Variants in ZFP2 observed in about 807,000 individuals in gnomAD.
ZFP2 encodes the protein ZFP2 zinc finger protein.
ZFP2 carries 33 observed loss-of-function variants against 36.1 expected under a neutral mutation model. That is an observed-to-expected ratio of 0.92 (90% CI 0.69 to 1.22). The LOEUF (loss-of-function observed/expected upper bound fraction) is 1.22, where lower values mean the gene tolerates loss of function less well. Among genes scored for constraint, ZFP2 ranks in the 50% most tolerant of loss-of-function variants. The probability of loss-of-function intolerance (pLI) is 0.00; values close to 1 mark genes in which losing one functional copy is unlikely to be tolerated. For synonymous variants in ZFP2, 170 were observed against 178.0 expected, an observed-to-expected ratio of 0.96 and a Z score of 0.36; for missense variants, 522 against 551.4, an observed-to-expected ratio of 0.95 and a Z score of 0.53.
At chr5:178,916,851 C>G in intron 4 of ZFP2, 141 bp downstream of exon 4, 1 of 570,512 alleles carries the variant, frequency 1.8e-6, no homozygotes, top group African/African-American at 2.0e-5. Flanking sequence ...TTCCCTTGCC[C>G]TGCTGTGTTG....
intron 4 of ZFP2, among the ~76,000 whole-genome samples, chr5:178,925,531 C>T (rs1262268344): frequency 6.7e-6 from 1 of 149,600 alleles, no homozygotes; most frequent in African/African-American, 2.4e-5. Flanking sequence ...GAAGTTCCCA[C>T]TATTGCATCT....
At chr5:178,897,035 C>CTT (rs1757959468) in intron 1 of ZFP2, among the ~76,000 whole-genome samples, 6 of 101,276 alleles carry the variant, frequency 5.9e-5, no homozygotes, top group Middle Eastern at 4.7e-3. Flanking sequence ...TTAGGGTTTT[C>CTT]TTTTTTCTTT....
intron 1 of ZFP2, among the ~76,000 whole-genome samples, chr5:178,901,909 G>A (rs1561677460): frequency 6.6e-6 from 1 of 152,106 alleles, no homozygotes. Flanking sequence ...CACGGCAGGT[G>A]GATCACTTGA....
intron 4 of ZFP2, among the ~76,000 whole-genome samples, chr5:178,917,754 A>C (rs1354913593): frequency 6.6e-6 from 1 of 152,264 alleles, no homozygotes; most frequent in Admixed American, 6.5e-5. Flanking sequence ...ATCTGCCTGC[A>C]TGCTCACATG....
intron 4 of ZFP2, among the ~76,000 whole-genome samples, chr5:178,929,942 T>TGGGTG (rs1554107546): frequency 4.9e-4 from 65 of 131,982 alleles, no homozygotes; most frequent in Admixed American, 1.3e-3. Flanking sequence ...TGCTTGACGG[T>TGGGTG]GGGGGGGGGG....
intron 3 of ZFP2, among the ~76,000 whole-genome samples, chr5:178,916,091 G>A (rs556210191): frequency 2.6e-5 from 4 of 152,196 alleles, no homozygotes. Context: ...CATAGTGAGG[G>A]GGCCAAGGAT....
intron 3 of ZFP2, among the ~76,000 whole-genome samples, chr5:178,914,644 AAAGG>A (rs758621795): frequency 6.6e-6 from 1 of 152,132 alleles, no homozygotes; most frequent in Non-Finnish European, 1.5e-5. Flanking sequence ...GGGAGACAAT[AAAGG>A]AAGAAGGGAG....
At chr5:178,912,126 C>G (rs142688404) in intron 1 of ZFP2, among the ~76,000 whole-genome samples, 3 of 152,152 alleles carry the variant, frequency 2.0e-5, no homozygotes, top group African/African-American at 7.2e-5. Context: ...GAGCAAGACT[C>G]GGTCTCAAAA....
intron 1 of ZFP2, among the ~76,000 whole-genome samples, chr5:178,909,103 C>T (rs1372658005): frequency 6.7e-5 from 9 of 133,726 alleles, no homozygotes; most frequent in Non-Finnish European, 9.7e-5. Flanking sequence ...GGGCTCAGGG[C>T]GTAAAACCCC....
chr5:178,906,193 AG>A (rs1410302933), intron 1 of ZFP2, among the ~76,000 whole-genome samples: 1 of 152,214 alleles, frequency 6.6e-6, no homozygotes, highest in Admixed American at 6.5e-5. Flanking sequence ...TAAGGTGGTG[AG>A]GGTTTAGGGA....
chr5:178,932,902 C>T lies in ZFP2; in HGVS notation c.*203C>T. 2 of 663,814 alleles carry T rather than the reference C, an allele frequency of 3.0e-6. No individual in the cohort carries two copies. The highest frequency in any genetic ancestry group is 4.8e-6 in the Non-Finnish European group (2 of 417,322). The allele number at this position is 663,814 out of a possible 1,614,324, so 41.1% of individuals were successfully genotyped here. A position where few individuals can be genotyped will look rare whatever the true frequency, so the allele number is the denominator to read the frequency against. On this transcript the variant is annotated 3_prime_UTR_variant, in exon 5 of 5. Transcript: ENST00000361362. Reference sequence around the variant, plus strand: ...TCAGAATGTATAATTTCCTTTATATCAGAAGGTTTAAATAGCTAATATAAA... The same window carrying T: ...TCAGAATGTATAATTTCCTTTATATTAGAAGGTTTAAATAGCTAATATAAA...
chr5:178,924,189 C>T (rs952128995), intron 4 of ZFP2, among the ~76,000 whole-genome samples: 7 of 148,212 alleles, frequency 4.7e-5, no homozygotes, highest in African/African-American at 7.3e-5. Context: ...TTGGCTAACA[C>T]GGTGAAACCC....
intron 1 of ZFP2, among the ~76,000 whole-genome samples, chr5:178,898,548 T>G (rs967170877): frequency 6.6e-6 from 1 of 152,240 alleles, no homozygotes; most frequent in African/African-American, 2.4e-5. Context: ...GCAGGAGTCT[T>G]GTTTCTCATG....
At chr5:178,906,947 A>G (rs1483004689) in intron 1 of ZFP2, among the ~76,000 whole-genome samples, 3 of 152,066 alleles carry the variant, frequency 2.0e-5, no homozygotes, top group East Asian at 3.9e-4. Context: ...TGAACTATAC[A>G]AGTTCCTGCC....
intron 1 of ZFP2, among the ~76,000 whole-genome samples, chr5:178,909,281 A>G (rs1222066651): frequency 6.6e-6 from 1 of 152,248 alleles, no homozygotes; most frequent in Non-Finnish European, 1.5e-5. Flanking sequence ...ATCGTAAACT[A>G]GAAGAACGTG....
intron 1 of ZFP2, among the ~76,000 whole-genome samples, chr5:178,906,611 A>G (rs970835084): frequency 6.6e-6 from 1 of 151,890 alleles, no homozygotes; most frequent in Non-Finnish European, 1.5e-5. Flanking sequence ...GCTGGAGTGC[A>G]GTGGCCCGAT....
intron 1 of ZFP2, among the ~76,000 whole-genome samples, chr5:178,909,509 A>G (rs1758244251): frequency 6.6e-6 from 1 of 151,584 alleles, no homozygotes; most frequent in Non-Finnish European, 1.5e-5. Context: ...TCCCACTTTC[A>G]CTCTTGACTT....
rs2113136416 is a variant in ZFP2 at position 178,932,900 on chromosome 5, A to G, written c.*201A>G. ...ATTCAGAATGTATAATTTCCTTTAT[A>G]TCAGAAGGTTTAAATAGCTAATATA... On this transcript the variant is annotated 3_prime_UTR_variant, in exon 5 of 5. Coordinates refer to ENST00000361362, the MANE Select transcript of ZFP2 (RefSeq NM_030613.4). 1 of 675,290 alleles carries G rather than the reference A, an allele frequency of 1.5e-6. No homozygotes were observed. The highest frequency in any genetic ancestry group is 2.3e-6 in the Non-Finnish European group (1 of 426,166). The allele number at this position is 675,290 out of a possible 1,614,324, so 41.8% of individuals were successfully genotyped here. A position where few individuals can be genotyped will look rare whatever the true frequency, so the allele number is the denominator to read the frequency against.
chr5:178,918,880 T>C (rs1758492477), intron 4 of ZFP2, among the ~76,000 whole-genome samples: 1 of 152,208 alleles, frequency 6.6e-6, no homozygotes, highest in Non-Finnish European at 1.5e-5. Flanking sequence ...CATTGTTTAA[T>C]CCTGGAAGAG....
Sources: allele counts gnomAD v4.1 joint callset (sites outside exome capture counted in the v4.1 genomes callset), GRCh38; gene constraint gnomAD v4.1.1; transcripts MANE v1.5; gene names NCBI Gene and HGNC (gene_info 2026-07-23, HGNC 2026-07-21).